ATP8B4: variants seen among roughly 807,000 people sequenced by gnomAD.
The protein encoded by ATP8B4 is probable phospholipid-transporting ATPase IM.
In ATP8B4, 133 loss-of-function variants were observed where a neutral mutation model predicts 145.6. That is an observed-to-expected ratio of 0.91 (90% CI 0.79 to 1.05). The LOEUF is 1.05. ATP8B4 is among the 50% of genes least tolerant of loss of function. The probability of loss-of-function intolerance (pLI) is 0.00; values close to 1 mark genes in which losing one functional copy is unlikely to be tolerated. For missense variants in ATP8B4, 1,458 were observed against 1,425.2 expected, an observed-to-expected ratio of 1.02 and a Z score of -0.37; for synonymous variants, 507 against 492.9, an observed-to-expected ratio of 1.03 and a Z score of -0.38.
intron 10 of ATP8B4, among the ~76,000 whole-genome samples, chr15:49,983,640 T>G (rs1223989586): frequency 6.6e-6 from 1 of 152,202 alleles, no homozygotes; most frequent in South Asian, 2.1e-4. Context: ...ACAAACAGTG[T>G]TGGCAAGATT....
rs1366565550 is a variant in ATP8B4 at position 50,002,226 on chromosome 15, A to T, written c.436-3T>A. Reference sequence around the variant, plus strand: ...CTTGATAGGAGAAGTAAATCAGCCTATTTTCAAAAATCATAACAAAAGAAT... The same window carrying T: ...CTTGATAGGAGAAGTAAATCAGCCTTTTTTCAAAAATCATAACAAAAGAAT... On this transcript the variant is annotated splice_region_variant and splice_polypyrimidine_tract_variant and intron_variant, in intron 7 of 27. Transcript: ENST00000284509. The T allele has an allele frequency of 6.2e-6, 10 of 1,605,062 alleles. No individual in the cohort carries two copies. The Admixed American group carries it at 1.5e-4, about 24-fold the overall frequency.
Position 50,047,473 on chromosome 15 carries a change from G to T in ATP8B4, c.88-9C>A. The stretch of plus-strand genomic sequence containing the variant: ...GTGTGGATACGATTATCCTGGAAAA[G>T]AAATAGCATCATGTTAGTTTGGGGC... On this transcript the variant is annotated splice_polypyrimidine_tract_variant and intron_variant, in intron 3 of 27. Transcript: ENST00000284509. The T allele has an allele frequency of 6.8e-7, 1 of 1,481,012 alleles. No individual in the cohort carries two copies. The highest frequency in any genetic ancestry group is 9.4e-7 in the Non-Finnish European group (1 of 1,059,336). 91.7% of individuals were successfully genotyped at this position (1,481,012 alleles called of 1,614,324 possible).
chr15:50,036,289 G>C (rs1185197651), intron 6 of ATP8B4, among the ~76,000 whole-genome samples: 1 of 152,150 alleles, frequency 6.6e-6, no homozygotes, highest in Admixed American at 6.5e-5. Flanking sequence ...AGCTCAAGGG[G>C]CACTCATGAG....
chr15:50,121,764 G>C (rs1419862574), upstream of ATP8B4, among the ~76,000 whole-genome samples: 5 of 152,144 alleles, frequency 3.3e-5, no homozygotes, highest in African/African-American at 1.2e-4. Flanking sequence ...CGCCAGGTCT[G>C]TGTTTTCAAG....
At chr15:50,123,519 C>G (rs886535946), upstream of ATP8B4, among the ~76,000 whole-genome samples, 1 of 152,162 alleles carries the variant, frequency 6.6e-6, no homozygotes, top group Non-Finnish European at 1.5e-5. Flanking sequence ...AAGGAAAACC[C>G]AGTTCAACCT....
rs553246275 is a variant in ATP8B4, at chr15:50,117,408, G to C, written c.-43+1715C>G. Among the ~76,000 whole-genome samples the C allele has an allele frequency of 2.0e-5, 3 of 152,114 alleles. No individual in the cohort carries two copies. The East Asian group carries it at 5.8e-4, about 29-fold the overall frequency. ...ACAATTTCCAATTTACTTTTAGATG[G>C]TTAGTTAACTCTTTTCCTACTAAAT... On this transcript the variant is annotated intron_variant, in intron 1 of 27. Transcript: ENST00000284509.
At chr15:49,911,015 AG>A (rs1161707331) in intron 20 of ATP8B4, among the ~76,000 whole-genome samples, 2 of 152,114 alleles carry the variant, frequency 1.3e-5, no homozygotes, top group African/African-American at 4.8e-5. Flanking sequence ...AAGGACTCAA[AG>A]TTACAACTAA....
chr15:49,936,975 G>A (rs1259073329), intron 14 of ATP8B4, among the ~76,000 whole-genome samples: 1 of 151,466 alleles, frequency 6.6e-6, no homozygotes, highest in Non-Finnish European at 1.5e-5. Context: ...GTTCTCTCCA[G>A]AGCATCTTGT....
At position 49,925,377 on chromosome 15, in the gene ATP8B4, C is replaced by G. The variant is rs192964410; in HGVS notation, c.1643-1883G>C. ...CTGCATTCATTCTGTTGTGACATCA[C>G]ATGTCACGTGGCTTCTGCAAAACTC... is the stretch of plus-strand genomic sequence containing the variant. On this transcript the variant is annotated intron_variant, in intron 16 of 27. Coordinates refer to ENST00000284509, the MANE Select transcript of ATP8B4 (RefSeq NM_024837.4). Among the ~76,000 whole-genome samples, 846 of 152,156 alleles carry G rather than the reference C, an allele frequency of 5.6e-3. 8 individuals are homozygous for G. The highest frequency in any genetic ancestry group is 0.02 in the African/African-American group (812 of 41,508).
chr15:50,026,867 G>A (rs906105330), intron 6 of ATP8B4, among the ~76,000 whole-genome samples: 2 of 152,100 alleles, frequency 1.3e-5, no homozygotes, highest in Non-Finnish European at 1.5e-5. Flanking sequence ...TACTTGTGAC[G>A]GACCACATTG....
chr15:50,166,443 T>A (rs545483012), intron 1 of ATP8B4, among the ~76,000 whole-genome samples: 1 of 152,196 alleles, frequency 6.6e-6, no homozygotes, highest in Admixed American at 6.5e-5. Context: ...GAGAATAATA[T>A]CTTAACAAAG....
intron 20 of ATP8B4, among the ~76,000 whole-genome samples, chr15:49,908,269 G>A (rs942381457): frequency 1.3e-5 from 2 of 152,168 alleles, no homozygotes; most frequent in Non-Finnish European, 2.9e-5. Flanking sequence ...CCTTCAAGAT[G>A]TACGACTAAA....
At chr15:49,879,610 T>C in intron 23 of ATP8B4, 151 bp from the exon 24 acceptor site, 2 of 643,800 alleles carry the variant, frequency 3.1e-6, no homozygotes, top group South Asian at 2.1e-5. Context: ...CTGCCTCTTA[T>C]CAGCTCTGGT....
At chr15:50,063,610 C>CTG (rs1269451434) in intron 3 of ATP8B4, among the ~76,000 whole-genome samples, 12 of 152,064 alleles carry the variant, frequency 7.9e-5, no homozygotes, top group Non-Finnish European at 1.5e-4. Context: ...GATTAATAGA[C>CTG]TCAACAGTCA....
intron 2 of ATP8B4, among the ~76,000 whole-genome samples, chr15:50,106,604 G>A (rs1381988974): frequency 6.6e-6 from 1 of 152,186 alleles, no homozygotes; most frequent in Non-Finnish European, 1.5e-5. Context: ...AGCAAAAGCA[G>A]CAATACGAAA....
At position 50,004,995 on chromosome 15, in the gene ATP8B4, A is replaced by G. The variant is rs148082411; in HGVS notation, c.436-2772T>C. On this transcript the variant is annotated intron_variant, in intron 7 of 27. Coordinates refer to ENST00000284509, the MANE Select transcript of ATP8B4 (RefSeq NM_024837.4). ...TAGATGCAGTGAAAGGAAGTCCCCA[A>G]GGCAGAATGACTAGCAGGAGTAAAG... Among the ~76,000 whole-genome samples the G allele has an allele frequency of 8.7e-3, 1,325 of 152,330 alleles. 13 individuals carry two copies. Among genetic ancestry groups the G allele is most frequent in the South Asian group, 0.036 (172 of 4,828 alleles).
rs373023196 is a variant in ATP8B4 at position 50,089,310 on chromosome 15, G to T, written c.29-15125C>A. On this transcript the variant is annotated intron_variant, in intron 2 of 27. Coordinates refer to ENST00000284509, the MANE Select transcript of ATP8B4 (RefSeq NM_024837.4). ...AATTAAACTAAAGAGCTTCTGCACA[G>T]CAAAATAAACTATCATCAGAGTGAA... 3.9e-5 allele frequency among the ~76,000 whole-genome samples: 6 copies of T among 152,226 alleles called. 1 individual carries two copies. The highest frequency in any genetic ancestry group is 1.4e-4 in the African/African-American group (6 of 41,562).
chr15:49,993,718 A>C (rs886829911), intron 9 of ATP8B4, among the ~76,000 whole-genome samples: 38 of 152,148 alleles, frequency 2.5e-4, no homozygotes, highest in African/African-American at 7.5e-4. Context: ...TGTTGCCTTG[A>C]ACTTTAAGGT....
intron 14 of ATP8B4, among the ~76,000 whole-genome samples, chr15:49,961,112 G>A (rs570874279): frequency 2.0e-5 from 3 of 146,964 alleles, no homozygotes; most frequent in Non-Finnish European, 3.0e-5. Context: ...CAGCCTGGGC[G>A]AAAGAGCAAG....
Sources: gnomAD v4.1 joint callset for allele counts (sites outside exome capture counted in the v4.1 genomes callset) on GRCh38, gnomAD v4.1.1 for gene constraint, MANE v1.5 for transcripts, NCBI Gene and HGNC (gene_info 2026-07-23, HGNC 2026-07-21) for gene names.